CDK8: variants seen among roughly 807,000 people sequenced by gnomAD.
CDK8 encodes the protein cyclin-dependent kinase 8.
CDK8 carries 29 observed loss-of-function variants against 71.5 expected under a neutral mutation model. The observed-to-expected ratio is 0.41, with a 90% CI of 0.30 to 0.55. The LOEUF (loss-of-function observed/expected upper bound fraction) is 0.55, where lower values mean the gene tolerates loss of function less well. Ranked by LOEUF, CDK8 falls within the 20% of genes least tolerant of loss-of-function variation. The pLI is 0.37. For missense variants in CDK8, 288 were observed against 572.6 expected, an observed-to-expected ratio of 0.50 and a Z score of 5.07; for synonymous variants, 161 against 192.1, an observed-to-expected ratio of 0.84 and a Z score of 1.34.
rs2574871 is a variant in CDK8 at position 26,288,116 on chromosome 13, C to A, written c.128+33347C>A. The stretch of plus-strand genomic sequence containing the variant: ...TAGCTGGGACTATAGGCACGTGCCA[C>A]CATGCCCGGCTAATTTTTTGTATTT... On this transcript the variant is annotated intron_variant, in intron 1 of 12. Transcript: ENST00000381527. Among the ~76,000 whole-genome samples the A allele has an allele frequency of 2.7e-3, 414 of 152,230 alleles. 4 individuals are homozygous for A. Among genetic ancestry groups the A allele is most frequent in the African/African-American group, 9.5e-3 (396 of 41,524 alleles).
At chr13:26,371,699 T>C (rs1032356224) in intron 4 of CDK8, among the ~76,000 whole-genome samples, 3 of 152,122 alleles carry the variant, frequency 2.0e-5, no homozygotes, top group Non-Finnish European at 4.4e-5. Flanking sequence ...CACTGCAACC[T>C]CCGCCTCCCG....
intron 1 of CDK8, among the ~76,000 whole-genome samples, chr13:26,324,082 T>C (rs913508661): frequency 3.9e-5 from 6 of 152,166 alleles, no homozygotes; most frequent in Non-Finnish European, 7.4e-5. Context: ...ATGTTAAATA[T>C]TAGTGTTTAA....
At chr13:26,294,473 T>C (rs1233931337) in intron 1 of CDK8, among the ~76,000 whole-genome samples, 4 of 152,206 alleles carry the variant, frequency 2.6e-5, no homozygotes, top group Non-Finnish European at 5.9e-5. Context: ...TAGTTCTGTT[T>C]TCAATTTTTT....
chr13:26,327,963 C>CTTTTT (rs35077180), intron 1 of CDK8, among the ~76,000 whole-genome samples: 2 of 143,762 alleles, frequency 1.4e-5, no homozygotes, highest in Non-Finnish European at 3.0e-5. Flanking sequence ...TAAGAGCTGT[C>CTTTTT]TTTTTTTTTT....
intron 4 of CDK8, among the ~76,000 whole-genome samples, chr13:26,368,801 T>C (rs1343310962): frequency 6.6e-6 from 1 of 152,226 alleles, no homozygotes; most frequent in African/African-American, 2.4e-5. Flanking sequence ...AAATCAATAA[T>C]ATTGCTTTTT....
intron 1 of CDK8, among the ~76,000 whole-genome samples, chr13:26,277,539 G>T (rs7981216): frequency 0.011 from 1,641 of 152,260 alleles, 30 homozygotes; most frequent in African/African-American, 0.038. Flanking sequence ...TTTGGAGAAA[G>T]GCACACAAAA....
chr13:26,303,707 CCT>C (rs1349192267), intron 1 of CDK8, among the ~76,000 whole-genome samples: 3 of 152,108 alleles, frequency 2.0e-5, no homozygotes, highest in African/African-American at 7.2e-5. Flanking sequence ...GTTAAAACTT[CCT>C]TTTATGATCC....
intron 1 of CDK8, among the ~76,000 whole-genome samples, chr13:26,328,533 C>T (rs1431046579): frequency 1.3e-5 from 2 of 152,176 alleles, no homozygotes; most frequent in African/African-American, 2.4e-5. Flanking sequence ...CAGTATATAA[C>T]AATTTTATAC....
At position 26,254,785 on chromosome 13, in the gene CDK8, T is replaced by A; in HGVS notation, c.128+16T>A. On this transcript the variant is annotated intron_variant, in intron 1 of 12. Coordinates refer to ENST00000381527, the MANE Select transcript of CDK8 (RefSeq NM_001260.3). The surrounding 1 kb of genome is among the most constrained non-coding windows in gnomAD (Gnocchi z 6.7). ...GGAAAGATGGGTGAGTGTGTGTGTC[T>A]GGGCCGGTGTCCGCGCTGGGCGGCG... is the stretch of plus-strand genomic sequence containing the variant. The A allele has an allele frequency of 6.2e-7, 1 of 1,609,730 alleles. No homozygotes were observed. Among genetic ancestry groups the A allele is most frequent in the East Asian group, 2.2e-5 (1 of 44,704 alleles).
intron 12 of CDK8, among the ~76,000 whole-genome samples, chr13:26,402,393 A>G (rs1042452472): frequency 2.0e-5 from 3 of 152,076 alleles, no homozygotes; most frequent in African/African-American, 7.2e-5. Flanking sequence ...TGCTTATTCT[A>G]ACCATATTCC....
intron 1 of CDK8, among the ~76,000 whole-genome samples, chr13:26,280,744 T>A (rs1471601794): frequency 6.6e-6 from 1 of 152,212 alleles, no homozygotes; most frequent in East Asian, 1.9e-4. Context: ...TCTTCCTCCT[T>A]CTCTGTCCAC....
intron 1 of CDK8, among the ~76,000 whole-genome samples, chr13:26,285,728 T>C (rs1277341190): frequency 6.6e-6 from 1 of 152,196 alleles, no homozygotes; most frequent in Non-Finnish European, 1.5e-5. Context: ...GATATGATCA[T>C]ATACCTAGAA....
Position 26,322,772 on chromosome 13 carries a change from G to A in CDK8, c.129-14795G>A, listed in dbSNP as rs149632983. ...CTCCAGTCTTGATCCCTTCCAATGT[G>A]TACTGCTTGTTGCATGGTTTTTCTG... is the stretch of plus-strand genomic sequence containing the variant. On this transcript the variant is annotated intron_variant, in intron 1 of 12. Transcript: ENST00000381527. 5.9e-3 allele frequency among the ~76,000 whole-genome samples: 903 copies of A among 152,178 alleles called. 10 individuals carry two copies. Among genetic ancestry groups the A allele is most frequent in the African/African-American group, 0.021 (854 of 41,520 alleles).
intron 4 of CDK8, among the ~76,000 whole-genome samples, chr13:26,382,047 CT>C (rs1189875374): frequency 6.6e-6 from 1 of 152,044 alleles, no homozygotes; most frequent in Non-Finnish European, 1.5e-5. Context: ...AACCAGTTGC[CT>C]TTTTCTTCCC....
chr13:26,390,832 G>C (rs1875710441), intron 6 of CDK8, among the ~76,000 whole-genome samples: 1 of 152,108 alleles, frequency 6.6e-6, no homozygotes, highest in South Asian at 2.1e-4. Context: ...TGTATAGCAT[G>C]CCAATTCCTA....
intron 1 of CDK8, among the ~76,000 whole-genome samples, chr13:26,335,518 A>G (rs1251507030): frequency 6.6e-6 from 1 of 152,108 alleles, no homozygotes; most frequent in Admixed American, 6.6e-5. Flanking sequence ...TCTGCTTGCC[A>G]GCAGCTATGC....
intron 1 of CDK8, among the ~76,000 whole-genome samples, chr13:26,312,364 C>T (rs1874325507): frequency 6.6e-6 from 1 of 152,196 alleles, no homozygotes; most frequent in East Asian, 1.9e-4. Context: ...ATAAATCTTG[C>T]TGCTGCTCAC....
At chr13:26,280,344 G>A (rs1370354520) in intron 1 of CDK8, among the ~76,000 whole-genome samples, 2 of 152,146 alleles carry the variant, frequency 1.3e-5, no homozygotes, top group Non-Finnish European at 2.9e-5. Flanking sequence ...TTTGCCTCTG[G>A]AGTCAAGATC....
At chr13:26,308,824 T>C (rs924640180) in intron 1 of CDK8, among the ~76,000 whole-genome samples, 5 of 151,688 alleles carry the variant, frequency 3.3e-5, no homozygotes, top group African/African-American at 4.8e-5. Context: ...CTCATTCCAC[T>C]TAACTGTACT....
Sources: gnomAD v4.1 joint callset for allele counts (sites outside exome capture counted in the v4.1 genomes callset) on GRCh38, gnomAD v4.1.1 for gene constraint, Gnocchi (gnomAD v3.1) non-coding constraint, MANE v1.5 for transcripts, NCBI Gene and HGNC (gene_info 2026-07-23, HGNC 2026-07-21) for gene names.